The following NINJ1 variants were observed in gnomAD, a reference collection of about 807,000 sequenced individuals.
NINJ1 encodes ninjurin 1, also known as ninjurin-1.
NINJ1 carries 6 observed loss-of-function variants against 12.7 expected under a neutral mutation model. The observed-to-expected ratio is 0.47, with a 90% CI of 0.26 to 0.93. The LOEUF is 0.93. Among genes scored for constraint, NINJ1 ranks in the 40% least tolerant of loss-of-function variants. The pLI is 0.15. For missense variants in NINJ1, 170 were observed against 213.0 expected (o/e 0.80, Z 1.26); for synonymous variants, 100 against 96.0 (o/e 1.04, Z -0.25).
Position 93,134,211 on chromosome 9 carries a change from A to G in NINJ1, c.7T>C (p.Ser3Pro). 2.7e-6 allele frequency: 4 copies of G among 1,507,504 alleles called. No homozygotes were observed. The South Asian group carries it at 3.7e-5, about 14-fold the overall frequency. The allele number at this position is 1,507,504 out of a possible 1,614,324, so 93.4% of individuals were successfully genotyped here. A position where few individuals can be genotyped will look rare whatever the true frequency, so the allele number is the denominator to read the frequency against. Residue 3 changes from serine to proline, a missense_variant, in exon 1 of 4, where the codon TCG becomes CCG. By Grantham distance (74) the Ser-to-Pro change is moderately conservative. Coordinates refer to ENST00000375446, the MANE Select transcript of NINJ1 (RefSeq NM_004148.4). The stretch of plus-strand genomic sequence containing the variant: ...TTGAGCTCGTACTCCTCGGTTCCCG[A>G]GTCCATGGTGCGGCCGCCCAGGCCG... MD[S>P]GTEEYELNGG... is the part of the protein sequence containing the mutation.
chr9:93,122,995 G>A (rs1314530848), intron 3 of NINJ1, among the ~76,000 whole-genome samples: 1 of 152,262 alleles, frequency 6.6e-6, no homozygotes, highest in African/African-American at 2.4e-5. Context: ...ACTACAAACT[G>A]GAGGCAGCAT....
chr9:93,130,934 G>A (rs944827291), intron 1 of NINJ1, among the ~76,000 whole-genome samples: 10 of 152,222 alleles, frequency 6.6e-5, no homozygotes, highest in African/African-American at 2.4e-4. Context: ...CTCGCAGCCT[G>A]TCCTGCTCAC....
At chr9:93,130,363 G>A (rs1827875033) in intron 1 of NINJ1, among the ~76,000 whole-genome samples, 2 of 152,354 alleles carry the variant, frequency 1.3e-5, no homozygotes, top group African/African-American at 2.4e-5. Flanking sequence ...ACAGAAGTGG[G>A]ATATGAACCA....
intron 1 of NINJ1, among the ~76,000 whole-genome samples, chr9:93,132,452 C>T (rs2130754006): frequency 6.6e-6 from 1 of 152,332 alleles, no homozygotes; most frequent in East Asian, 1.9e-4. Context: ...CCCACTGTTC[C>T]CTCTGCCTAG....
At chr9:93,130,858 A>C (rs946723429) in intron 1 of NINJ1, among the ~76,000 whole-genome samples, 2 of 152,228 alleles carry the variant, frequency 1.3e-5, no homozygotes, top group African/African-American at 4.8e-5. Flanking sequence ...AGCAGGACCC[A>C]GGGGGACAAC....
chr9:93,126,671 G>C (rs1479014956), intron 1 of NINJ1, 33 bp from the exon 2 acceptor site: 5 of 1,534,844 alleles, frequency 3.3e-6, no homozygotes, highest in East Asian at 4.5e-5. Context: ...CAAGGCGGGT[G>C]GGGGAGGGGG....
chr9:93,124,055 C>T (rs1827774156), intron 3 of NINJ1, among the ~76,000 whole-genome samples: 1 of 152,246 alleles, frequency 6.6e-6, no homozygotes, highest in African/African-American at 2.4e-5. Flanking sequence ...CTGCGAGGCC[C>T]GGCAAGGGGC....
intron 1 of NINJ1, 137 bp downstream of exon 1, chr9:93,134,006 G>A (rs1827937541): frequency 1.9e-6 from 1 of 537,166 alleles, no homozygotes; most frequent in Non-Finnish European, 3.0e-6. Context: ...GATGGGGCGG[G>A]AAGGACTTGG....
Position 93,126,499 on chromosome 9 carries a change from G to T in NINJ1, c.215C>A (p.Pro72His). Reference protein sequence around the residue: ...SQLKAVVEQGPSFAFYVPLVV... With the variant: ...SQLKAVVEQGHSFAFYVPLVV... The stretch of plus-strand genomic sequence containing the variant: ...CAGGGGCACATAGAAGGCGAAGCTG[G>T]GGCCCTGTTCCACGACGGCCTTCAG... Residue 72 changes from proline (P) to histidine (H), a missense_variant, in exon 2 of 4, where the codon CCC becomes CAC. Pro to His is a moderately conservative substitution (Grantham distance 77). Transcript: ENST00000375446. 1 of 1,614,210 alleles carries T rather than the reference G, an allele frequency of 6.2e-7. No homozygotes were observed. Among genetic ancestry groups the T allele is most frequent in the Non-Finnish European group, 8.5e-7 (1 of 1,180,032 alleles).
chr9:93,125,172 ACAGGGCTCT>A (rs1225539307), intron 2 of NINJ1, 110 bp from the exon 3 acceptor site: 2 of 1,073,048 alleles, frequency 1.9e-6, no homozygotes, highest in Non-Finnish European at 2.6e-6. Flanking sequence ...CTGGGACATT[ACAGGGCTCT>A]CAGTCGCATT....
intron 3 of NINJ1, among the ~76,000 whole-genome samples, chr9:93,122,516 G>A (rs753136711): frequency 6.8e-5 from 10 of 147,164 alleles, no homozygotes; most frequent in Non-Finnish European, 1.2e-4. Flanking sequence ...GCTGTGACAA[G>A]CCCCGAGTGT....
chr9:93,129,170 C>A (rs1416479104), intron 1 of NINJ1, among the ~76,000 whole-genome samples: 1 of 77,426 alleles, frequency 1.3e-5, no homozygotes, highest in Admixed American at 1.6e-4. Flanking sequence ...AACTGAAGCC[C>A]AGCAAAGGCG....
At chr9:93,134,016 G>C in intron 1 of NINJ1, 127 bp downstream of exon 1, 1 of 612,288 alleles carries the variant, frequency 1.6e-6, no homozygotes. Flanking sequence ...GAAGGACTTG[G>C]CCTAGAGCGG....
intron 1 of NINJ1, among the ~76,000 whole-genome samples, chr9:93,132,969 TTC>T (rs1827918894): frequency 6.6e-6 from 1 of 152,306 alleles, no homozygotes; most frequent in South Asian, 2.1e-4. Flanking sequence ...AGACCCTTTG[TTC>T]TCTCTTTATA....
chr9:93,129,355 G>T (rs1393255712), intron 1 of NINJ1, among the ~76,000 whole-genome samples: 3 of 152,216 alleles, frequency 2.0e-5, no homozygotes, highest in Non-Finnish European at 4.4e-5. Context: ...TTGTGCCTCA[G>T]TCTTCCATGT....
At chr9:93,132,843 G>A (rs1827917082) in intron 1 of NINJ1, among the ~76,000 whole-genome samples, 1 of 152,248 alleles carries the variant, frequency 6.6e-6, no homozygotes, top group African/African-American at 2.4e-5. Context: ...GGAGGGCATT[G>A]CCCGGGCAAG....
In NINJ1 at chr9:93,126,682, G is replaced by A. The variant is rs930200752; in HGVS notation, c.76-44C>T. 81 of 1,493,274 alleles carry A rather than the reference G, an allele frequency of 5.4e-5. 1 individual carries two copies. The highest frequency in any genetic ancestry group is 6.9e-5 in the Non-Finnish European group (76 of 1,098,124). The allele number at this position is 1,493,274 out of a possible 1,614,324, so 92.5% of individuals were successfully genotyped here. On this transcript the variant is annotated intron_variant, in intron 1 of 3. Coordinates refer to ENST00000375446, the MANE Select transcript of NINJ1 (RefSeq NM_004148.4). ...TCAGCAAGGCGGGTGGGGGAGGGGGGCAAGGGCTGTGCCTGAGTCGGGCTC... is the reference window on the plus strand; with the variant it reads ...TCAGCAAGGCGGGTGGGGGAGGGGGACAAGGGCTGTGCCTGAGTCGGGCTC...
At chr9:93,126,247 G>T in intron 2 of NINJ1, 163 bp downstream of exon 2, 1 of 582,078 alleles carries the variant, frequency 1.7e-6, no homozygotes, top group Non-Finnish European at 3.0e-6. Flanking sequence ...TGGGGGGAGG[G>T]GGGGTGCCAC....
At chr9:93,126,250 G>A in intron 2 of NINJ1, 160 bp downstream of exon 2, 1 of 594,140 alleles carries the variant, frequency 1.7e-6, no homozygotes, top group Non-Finnish European at 2.9e-6. Context: ...GGGGAGGGGG[G>A]GTGCCACTTC....
Sources: allele counts gnomAD v4.1 joint callset (sites outside exome capture counted in the v4.1 genomes callset), GRCh38; gene constraint gnomAD v4.1.1; transcripts MANE v1.5; gene names NCBI Gene and HGNC (gene_info 2026-07-23, HGNC 2026-07-21).